The following ABR variants were observed in gnomAD, a reference collection of about 807,000 sequenced individuals.
ABR encodes ABR activator of RhoGEF and GTPase, also known as active breakpoint cluster region-related protein.
Under a neutral mutation model 107.2 loss-of-function variants are expected in ABR, and 35 were observed. The observed-to-expected ratio is 0.33, with a 90% CI of 0.25 to 0.43. The LOEUF (loss-of-function observed/expected upper bound fraction) is 0.43, where lower values mean the gene tolerates loss of function less well. Among genes scored for constraint, ABR ranks in the 20% least tolerant of loss-of-function variants. ABR has a pLI of 1.00. For missense variants in ABR, 815 were observed against 1,115.2 expected (o/e 0.73, Z 3.83); for synonymous variants, 498 against 462.0 (o/e 1.08, Z -1.00).
chr17:1,194,793 A>T (rs2042517893), intron 1 of ABR, among the ~76,000 whole-genome samples: 1 of 121,016 alleles, frequency 8.3e-6, no homozygotes, highest in Admixed American at 1.0e-4. Context: ...AGCTGGGATT[A>T]CAGGCATGTG....
intron 1 of ABR, among the ~76,000 whole-genome samples, chr17:1,203,947 C>T (rs1383935690): frequency 1.3e-5 from 2 of 152,202 alleles, no homozygotes; most frequent in Non-Finnish European, 2.9e-5. Flanking sequence ...AAAGTGCTTT[C>T]CTGTCCGGAC....
chr17:1,198,674 T>C (rs2042614819), intron 1 of ABR, among the ~76,000 whole-genome samples: 1 of 150,920 alleles, frequency 6.6e-6, no homozygotes, highest in Admixed American at 6.6e-5. Context: ...CTCGCTCTGT[T>C]GCCCAGGCTG....
chr17:1,146,088 G>C (rs9901107), intron 1 of ABR, among the ~76,000 whole-genome samples: 2 of 152,142 alleles, frequency 1.3e-5, no homozygotes, highest in Non-Finnish European at 2.9e-5. Context: ...CCAATGTCTT[G>C]TGTCATTCAA....
At position 1,011,618 on chromosome 17, in the gene ABR, C is replaced by A; in HGVS notation, c.2101+228G>T. 2.4e-6 allele frequency: 1 copy of A among 421,812 alleles called. No homozygotes were observed. The allele number at this position is 421,812 out of a possible 1,614,324, so 26.1% of individuals were successfully genotyped here. ...ACCAAAACCTACAAGTTGGGTCATC[C>A]TGGGCAAGTGAGTCGGCCCTTGTGA... On this transcript the variant is annotated intron_variant, in intron 19 of 22. Transcript: ENST00000302538. This position sits in a 1 kb window ranked among gnomAD's most constrained non-coding sequence, Gnocchi z 4.8.
intron 1 of ABR, among the ~76,000 whole-genome samples, chr17:1,126,929 A>G (rs2039629098): frequency 6.6e-6 from 1 of 152,218 alleles, no homozygotes. Flanking sequence ...GCTTCAGCCA[A>G]GTCCCAGCCA....
At chr17:1,137,775 A>C (rs1454735645) in intron 1 of ABR, among the ~76,000 whole-genome samples, 1 of 152,130 alleles carries the variant, frequency 6.6e-6, no homozygotes, top group Non-Finnish European at 1.5e-5. Context: ...ACGCCTGCAC[A>C]TGAGTGCCGT....
chr17:1,057,904 AG>A (rs2033518908), intron 12 of ABR, 65 bp downstream of exon 12: 1 of 1,450,030 alleles, frequency 6.9e-7, no homozygotes, highest in Non-Finnish European at 9.7e-7. Flanking sequence ...TGAAACGCTT[AG>A]AAATACAAAA....
At chr17:1,206,946 G>A (rs187532903) in intron 1 of ABR, among the ~76,000 whole-genome samples, 430 of 152,202 alleles carry the variant, frequency 2.8e-3, no homozygotes, top group African/African-American at 9.6e-3. Flanking sequence ...TTAGCTGGGC[G>A]TGGTGGCATG....
At chr17:1,083,885 T>G (rs2036426124) in intron 4 of ABR, 1 of 431,114 alleles carries the variant, frequency 2.3e-6, no homozygotes, top group South Asian at 2.4e-5. Context: ...GGGCCTTTGT[T>G]GGCCTGCTAG....
chr17:1,184,151 C>T (rs148941847), upstream of ABR, among the ~76,000 whole-genome samples: 1,069 of 145,926 alleles, frequency 7.3e-3, 23 homozygotes, highest in African/African-American at 0.026. Flanking sequence ...AGTGAGACTC[C>T]CTCTCAAAAA....
chr17:1,022,120 A>AAAAAAAAAAAAAAAAACAAAAAC (rs56033950), intron 16 of ABR, among the ~76,000 whole-genome samples: 1 of 118,388 alleles, frequency 8.4e-6, no homozygotes, highest in African/African-American at 3.7e-5. Flanking sequence ...AAAAAAAAAA[A>AAAAAAAAAAAAAAAAACAAAAAC]AAAAACAGAA....
rs146329772 is a variant in ABR at position 1,125,995 on chromosome 17, G to A, written c.62-628C>T. Among the ~76,000 whole-genome samples, 1,223 of 152,260 alleles carry A rather than the reference G, an allele frequency of 8.0e-3. 19 individuals are homozygous for A. The highest frequency in any genetic ancestry group is 0.028 in the African/African-American group (1,151 of 41,540). ...GACAGGGGCTCACAGCAGACTCCTC[G>A]GAGCCGGTGCTTATTTCTATCACCC... is the stretch of plus-strand genomic sequence containing the variant. On this transcript the variant is annotated intron_variant, in intron 1 of 22. Transcript: ENST00000302538.
chr17:1,059,678 A>G (rs1022551243), intron 10 of ABR, among the ~76,000 whole-genome samples: 2 of 152,128 alleles, frequency 1.3e-5, no homozygotes, highest in Non-Finnish European at 2.9e-5. Flanking sequence ...TCAATGTTCC[A>G]AGTTTCTGTC....
chr17:1,033,382 C>T (rs1597462089), intron 16 of ABR, among the ~76,000 whole-genome samples: 1 of 152,200 alleles, frequency 6.6e-6, no homozygotes, highest in Non-Finnish European at 1.5e-5. Flanking sequence ...AAGTCAGTAC[C>T]AGCATCCCCG....
At chr17:1,057,870 G>A in intron 12 of ABR, 100 bp downstream of exon 12, 1 of 1,096,680 alleles carries the variant, frequency 9.1e-7, no homozygotes, top group Non-Finnish European at 1.4e-6. Context: ...GTGACTGCGA[G>A]GGCCAAAGAC....
intron 1 of ABR, among the ~76,000 whole-genome samples, chr17:1,163,301 C>T (rs2041379632): frequency 6.6e-6 from 1 of 152,196 alleles, no homozygotes; most frequent in South Asian, 2.1e-4. Context: ...TTTGTGTCGA[C>T]TCTGTATCGA....
At chr17:1,082,545 C>CAGA (rs2036315042) in intron 5 of ABR, among the ~76,000 whole-genome samples, 1 of 152,200 alleles carries the variant, frequency 6.6e-6, no homozygotes, top group East Asian at 1.9e-4. Context: ...GCCTCAGGAG[C>CAGA]AGAAGCACGC....
intron 10 of ABR, among the ~76,000 whole-genome samples, chr17:1,059,942 A>G (rs996737571): frequency 1.3e-5 from 2 of 152,150 alleles, no homozygotes; most frequent in Admixed American, 1.3e-4. Context: ...CTGTCAATTA[A>G]GCGCACACTC....
chr17:1,034,232 C>T (rs1373258246), intron 16 of ABR, among the ~76,000 whole-genome samples: 1 of 152,120 alleles, frequency 6.6e-6, no homozygotes, highest in Non-Finnish European at 1.5e-5. Context: ...GGTTTACAGG[C>T]ATGAACCACT....
Sources: gnomAD v4.1 joint callset for allele counts (sites outside exome capture counted in the v4.1 genomes callset) on GRCh38, gnomAD v4.1.1 for gene constraint, Gnocchi (gnomAD v3.1) non-coding constraint, MANE v1.5 for transcripts, NCBI Gene and HGNC (gene_info 2026-07-23, HGNC 2026-07-21) for gene names.